Variants in ABAT observed in about 807,000 individuals in gnomAD.
ABAT encodes 4-aminobutyrate aminotransferase, mitochondrial.
ABAT carries 45 observed loss-of-function variants against 64.6 expected under a neutral mutation model. That is an observed-to-expected ratio of 0.70 (90% CI 0.55 to 0.89). ABAT has a LOEUF of 0.89. Among genes scored for constraint, ABAT ranks in the 40% least tolerant of loss-of-function variants. The pLI, the probability that ABAT is intolerant of heterozygous loss-of-function variation, is 0.00. For missense variants in ABAT, 633 were observed against 658.4 expected (o/e 0.96, Z 0.42); for synonymous variants, 297 against 250.5 (o/e 1.19, Z -1.75).
At chr16:8,705,011 G>A (rs1352417795) in intron 1 of ABAT, among the ~76,000 whole-genome samples, 1 of 152,084 alleles carries the variant, frequency 6.6e-6, no homozygotes, top group African/African-American at 2.4e-5. Flanking sequence ...ACATCTCTGA[G>A]CATAGAACTA....
At chr16:8,735,006 A>G (rs113237157) in intron 1 of ABAT, among the ~76,000 whole-genome samples, 16,541 of 150,142 alleles carry the variant, frequency 0.11, 1,288 homozygotes, top group African/African-American at 0.22. Context: ...TCAGAAGTTC[A>G]AGACCAAACT....
chr16:8,689,975 A>G (rs2057543333), intron 1 of ABAT, among the ~76,000 whole-genome samples: 1 of 152,206 alleles, frequency 6.6e-6, no homozygotes, highest in Non-Finnish European at 1.5e-5. Context: ...CAATAACAAG[A>G]GTCACCTTGA....
chr16:8,733,655 C>A (rs949283383), intron 1 of ABAT, among the ~76,000 whole-genome samples: 2 of 151,976 alleles, frequency 1.3e-5, no homozygotes, highest in Admixed American at 6.5e-5. Flanking sequence ...CACAGCGAAA[C>A]CCCGTCTCCA....
chr16:8,762,101 A>T (rs996888183), intron 6 of ABAT, among the ~76,000 whole-genome samples: 1 of 151,952 alleles, frequency 6.6e-6, no homozygotes, highest in Non-Finnish European at 1.5e-5. Context: ...TGGACTCAAA[A>T]GATCCTCCCA....
At position 8,774,989 on chromosome 16, in the gene ABAT, G is replaced by T. The variant is rs775462540; in HGVS notation, c.1054G>T (p.Val352Leu). ...CTGGGGCCTGGATGACCCAGCAGAC[G>T]TGATGACCTTCAGCAAGAAGATGAT... ...EHWGLDDPAD[V>L]MTFSKKMMTG... Residue 352 changes from valine (V) to leucine (L), a missense_variant, in exon 13 of 16, where the codon GTG becomes TTG. Physicochemically the swap from Val to Leu is conservative, Grantham distance 32. Transcript: ENST00000268251. 2 of 1,614,244 alleles carry T rather than the reference G, an allele frequency of 1.2e-6. No homozygotes were observed. The highest frequency in any genetic ancestry group is 2.2e-5 in the South Asian group (2 of 91,088).
chr16:8,777,732 A>G (rs2060308558), intron 14 of ABAT, among the ~76,000 whole-genome samples: 2 of 152,208 alleles, frequency 1.3e-5, no homozygotes, highest in Non-Finnish European at 2.9e-5. Flanking sequence ...GGAACATGCT[A>G]GAGTAAGTGC....
chr16:8,739,453 C>A (rs1450999448), intron 2 of ABAT, among the ~76,000 whole-genome samples: 1 of 152,164 alleles, frequency 6.6e-6, no homozygotes, highest in South Asian at 2.1e-4. Context: ...CACAGTGGCC[C>A]ACACCTGTAA....
chr16:8,781,118 G>C lies in ABAT; in HGVS notation c.1382-191G>C. 1 of 819,850 alleles carries C rather than the reference G, an allele frequency of 1.2e-6. No homozygotes were observed. The highest frequency in any genetic ancestry group is 2.1e-6 in the Non-Finnish European group (1 of 470,668). 50.8% of individuals were successfully genotyped at this position (819,850 alleles called of 1,614,324 possible). A position where few individuals can be genotyped will look rare whatever the true frequency, so the allele number is the denominator to read the frequency against. ...AGAATGATGGAGGAGATGAATGAGGGGAGAGAGAAAGGAAATGAAGACTGG... is the reference window on the plus strand; with the variant it reads ...AGAATGATGGAGGAGATGAATGAGGCGAGAGAGAAAGGAAATGAAGACTGG... On this transcript the variant is annotated intron_variant, in intron 15 of 15. Transcript: ENST00000268251. The surrounding 1 kb of genome is among the most constrained non-coding windows in gnomAD (Gnocchi z 4.5).
At chr16:8,712,649 TTGGGGGC>T (rs1390319314) in intron 1 of ABAT, among the ~76,000 whole-genome samples, 2 of 152,138 alleles carry the variant, frequency 1.3e-5, no homozygotes, top group African/African-American at 2.4e-5. Context: ...CTGCCCCGAT[TTGGGGGC>T]TGGGGGCTGG....
Position 8,772,700 on chromosome 16 carries a change from C to T in ABAT, c.817-80C>T, listed in dbSNP as rs571882912. 2.3e-5 allele frequency: 37 copies of T among 1,584,882 alleles called. No homozygotes were observed. In the East Asian group the frequency reaches 7.6e-4, roughly 33 times the overall value. ...ATTTCCAATAAAATTGCATGGGGCT[C>T]ATCGAACCCCAGATTCCCACCCACG... On this transcript the variant is annotated intron_variant, in intron 11 of 15. Transcript: ENST00000268251.
intron 1 of ABAT, among the ~76,000 whole-genome samples, chr16:8,678,447 T>A (rs1005453717): frequency 6.6e-6 from 1 of 152,190 alleles, no homozygotes; most frequent in Non-Finnish European, 1.5e-5. Context: ...TGTTTCTCAC[T>A]CTACAGATAA....
rs1596475782 is a variant in ABAT, at chr16:8,781,580, G to A, written c.*150G>A. 3 of 1,057,854 alleles carry A rather than the reference G, an allele frequency of 2.8e-6. No individual in the cohort carries two copies. The highest frequency in any genetic ancestry group is 3.9e-5 in the Admixed American group (2 of 51,486). The allele number at this position is 1,057,854 out of a possible 1,614,324, so 65.5% of individuals were successfully genotyped here. ...GGGAGGGAGCATTTTTGGTGGTCTT[G>A]GGGGAGGGGAGGGGAGGGAAGGGCT... On this transcript the variant is annotated 3_prime_UTR_variant, in exon 16 of 16. Coordinates refer to ENST00000268251, the MANE Select transcript of ABAT (RefSeq NM_020686.6). The surrounding 1 kb of genome is among the most constrained non-coding windows in gnomAD (Gnocchi z 4.5).
rs975610294 is a variant in ABAT at position 8,784,330 on chromosome 16, T to C, written c.*2900T>C. 3 of 152,786 alleles carry C rather than the reference T, an allele frequency of 2.0e-5. No individual in the cohort carries two copies. The highest frequency in any genetic ancestry group is 6.5e-5 in the Admixed American group (1 of 15,298). 9.5% of individuals were successfully genotyped at this position (152,786 alleles called of 1,614,324 possible). A position where few individuals can be genotyped will look rare whatever the true frequency, so the allele number is the denominator to read the frequency against. ...CATGCAAAATTGTGTATAGCATTAA[T>C]GTATCTACATACCTACACCTATCTA... On this transcript the variant is annotated 3_prime_UTR_variant, in exon 16 of 16. Transcript: ENST00000268251.
intron 1 of ABAT, among the ~76,000 whole-genome samples, chr16:8,730,857 C>T (rs1387250063): frequency 6.6e-6 from 1 of 152,218 alleles, no homozygotes; most frequent in African/African-American, 2.4e-5. Context: ...CCACCAGCAA[C>T]TTGCTGTGTC....
chr16:8,739,048 CAGAA>C (rs1474483090), intron 2 of ABAT, among the ~76,000 whole-genome samples: 1 of 152,218 alleles, frequency 6.6e-6, no homozygotes. Flanking sequence ...GGTTCCAAGT[CAGAA>C]AGAGAGTCTG....
At chr16:8,762,403 C>A (rs1321852116) in intron 6 of ABAT, among the ~76,000 whole-genome samples, 2 of 152,178 alleles carry the variant, frequency 1.3e-5, no homozygotes, top group African/African-American at 2.4e-5. Flanking sequence ...TGGCTTCTTA[C>A]AAGCACCTAG....
chr16:8,694,054 G>C (rs1323302603), intron 1 of ABAT, among the ~76,000 whole-genome samples: 1 of 151,708 alleles, frequency 6.6e-6, no homozygotes, highest in Non-Finnish European at 1.5e-5. Context: ...TTTTGAGACA[G>C]AATCTCGCAC....
intron 5 of ABAT, chr16:8,757,057 AT>A: frequency 2.4e-6 from 1 of 424,066 alleles, no homozygotes; most frequent in South Asian, 1.7e-5. Context: ...GACTCAGCCC[AT>A]GGGCGCTGGG....
intron 1 of ABAT, among the ~76,000 whole-genome samples, chr16:8,733,209 G>C (rs1452946345): frequency 1.3e-5 from 2 of 151,482 alleles, no homozygotes; most frequent in African/African-American, 4.9e-5. Context: ...CTGCCGGGTG[G>C]AGGGGCTCCT....
Sources: gnomAD v4.1 joint callset for allele counts (sites outside exome capture counted in the v4.1 genomes callset) on GRCh38, gnomAD v4.1.1 for gene constraint, Gnocchi (gnomAD v3.1) non-coding constraint, MANE v1.5 for transcripts, NCBI Gene and HGNC (gene_info 2026-07-23, HGNC 2026-07-21) for gene names.